The following CHD2 variants were observed in gnomAD, a reference collection of about 807,000 sequenced individuals.
CHD2 encodes the protein ATP-dependent chromatin remodeler CHD2.
Under a neutral mutation model 243.9 loss-of-function variants are expected in CHD2, and 28 were observed. The ratio of observed to expected loss-of-function variants is 0.11; its 90% CI spans 0.09 to 0.16. The LOEUF (loss-of-function observed/expected upper bound fraction) is 0.16. Among genes scored for constraint, CHD2 ranks in the 10% least tolerant of loss-of-function variants. The probability of loss-of-function intolerance (pLI) is 1.00; values close to 1 mark genes in which losing one functional copy is unlikely to be tolerated. For synonymous variants in CHD2, 775 were observed against 779.0 expected (o/e 0.99, Z 0.09); for missense variants, 1,386 against 2,209.8 (o/e 0.63, Z 7.47).
intron 5 of CHD2, among the ~76,000 whole-genome samples, chr15:92,929,906 C>T (rs1191431819): frequency 6.6e-6 from 1 of 151,598 alleles, no homozygotes; most frequent in African/African-American, 2.4e-5. Context: ...ATTTTAAAAC[C>T]CATTTCCTCA....
Position 92,923,748 on chromosome 15 carries a change from T to C in CHD2, c.63-573T>C, listed in dbSNP as rs1345620402. 4.6e-5 allele frequency among the ~76,000 whole-genome samples: 7 copies of C among 152,024 alleles called. No individual in the cohort carries two copies. The South Asian group carries it at 1.0e-3, about 23-fold the overall frequency. Reference sequence around the variant, plus strand: ...AGCCAGCTAATTTTTGTATTTTTAATAGAGATGGGGTTTCACCGTGTGGTC... The same window carrying C: ...AGCCAGCTAATTTTTGTATTTTTAACAGAGATGGGGTTTCACCGTGTGGTC... On this transcript the variant is annotated intron_variant, in intron 2 of 38. Coordinates refer to ENST00000394196, the MANE Select transcript of CHD2 (RefSeq NM_001271.4).
intron 1 of CHD2, 29 bp from the exon 2 acceptor site, chr15:92,901,138 G>A (rs1244774166): frequency 4.1e-6 from 3 of 723,942 alleles, no homozygotes; most frequent in African/African-American, 1.8e-5. Context: ...TAGAAGCCGG[G>A]ACCTTACCTT....
chr15:92,981,561 C>A, intron 24 of CHD2, 104 bp downstream of exon 24: 1 of 823,304 alleles, frequency 1.2e-6, no homozygotes, highest in Non-Finnish European at 1.9e-6. Flanking sequence ...TTTCTCTTTA[C>A]CTGAATTGAG....
chr15:92,933,042 C>CTT (rs1567130860), intron 5 of CHD2, among the ~76,000 whole-genome samples: 5 of 141,820 alleles, frequency 3.5e-5, no homozygotes, highest in African/African-American at 7.8e-5. Context: ...GCGCCCGGCC[C>CTT]CTTTTTTTTT....
rs146950296 is a variant in CHD2, at chr15:92,910,969, T to A, written c.62+9670T>A. 5.0e-3 allele frequency among the ~76,000 whole-genome samples: 766 copies of A among 152,304 alleles called. 6 individuals are homozygous for A. Among genetic ancestry groups the A allele is most frequent in the African/African-American group, 0.017 (708 of 41,556 alleles). On this transcript the variant is annotated intron_variant, in intron 2 of 38. Transcript: ENST00000394196. ...TAGAGCATGTTACAGTACTGAATGC[T>A]GTAGGTGATTGTAATACAATGGTAA... is the stretch of plus-strand genomic sequence containing the variant.
intron 34 of CHD2, among the ~76,000 whole-genome samples, 184 bp from the exon 35 acceptor site, chr15:93,008,961 T>C (rs979377127): frequency 1.3e-5 from 2 of 152,242 alleles, no homozygotes; most frequent in African/African-American, 4.8e-5. Flanking sequence ...GTGCTGGCAC[T>C]GCACTTCAGG....
chr15:92,981,403 G>A lies in CHD2; in HGVS notation c.3012G>A (p.Thr1004=), dbSNP rs775751349. ...ATGAAATTTTGCGGTTGGCTGAAAC[G>A]AGAGAGAATGAAGTGTCAACAAGTG... ...DIDEILRLAE[T]RENEVSTSAT... is the part of the protein sequence containing the mutation. Residue 1004 remains threonine, a synonymous_variant, in exon 24 of 39, where the codon ACG becomes ACA. Transcript: ENST00000394196. 50 of 1,613,842 alleles carry A rather than the reference G, an allele frequency of 3.1e-5. 1 individual carries two copies. The highest frequency in any genetic ancestry group is 2.2e-4 in the East Asian group (10 of 44,862).
chr15:93,005,522 C>T (rs2054309430), intron 34 of CHD2, among the ~76,000 whole-genome samples: 1 of 152,046 alleles, frequency 6.6e-6, no homozygotes, highest in African/African-American at 2.4e-5. Flanking sequence ...AATCAAACGG[C>T]TCATTCAGGC....
intron 38 of CHD2, 112 bp downstream of exon 38, chr15:93,020,370 T>C (rs570391779): frequency 1.9e-5 from 26 of 1,350,500 alleles, no homozygotes; most frequent in East Asian, 2.4e-5. Flanking sequence ...GAAGATCTCA[T>C]CATGCATGTG....
At chr15:92,940,925 TAAATATATATA>T (rs2053364125) in intron 7 of CHD2, among the ~76,000 whole-genome samples, 1 of 138,070 alleles carries the variant, frequency 7.2e-6, no homozygotes, top group African/African-American at 2.7e-5. Context: ...AATATACATA[TAAATATATATA>T]AAATATATAT....
chr15:93,004,796 C>T, intron 34 of CHD2, 45 bp downstream of exon 34: 1 of 1,590,090 alleles, frequency 6.3e-7, no homozygotes, highest in Non-Finnish European at 8.6e-7. Flanking sequence ...AGCCGCGGTA[C>T]TTGCTGTGGC....
chr15:92,951,326 A>G (rs1370741295), intron 13 of CHD2, among the ~76,000 whole-genome samples: 7 of 152,102 alleles, frequency 4.6e-5, no homozygotes, highest in Non-Finnish European at 1.0e-4. Context: ...ACGCACCACC[A>G]TGCCTGGCTA....
chr15:92,981,337 C>G, intron 23 of CHD2, 28 bp from the exon 24 acceptor site: 2 of 1,553,732 alleles, frequency 1.3e-6, no homozygotes, highest in South Asian at 1.1e-5. Context: ...CCATTTTATT[C>G]TATTCGTGTT....
intron 36 of CHD2, among the ~76,000 whole-genome samples, chr15:93,013,908 G>A (rs2054423929): frequency 8.4e-6 from 1 of 118,808 alleles, no homozygotes; most frequent in South Asian, 2.7e-4. Context: ...GAATGCCTGC[G>A]ACAGAGTGAG....
At chr15:92,992,720 G>A in intron 27 of CHD2, 139 bp from the exon 28 acceptor site, 1 of 966,954 alleles carries the variant, frequency 1.0e-6, no homozygotes, top group South Asian at 1.7e-5. Flanking sequence ...TCTTGTTGGA[G>A]CCTTAGAATG....
intron 2 of CHD2, among the ~76,000 whole-genome samples, chr15:92,923,248 G>C (rs1379995869): frequency 2.6e-5 from 4 of 152,018 alleles, no homozygotes; most frequent in African/African-American, 9.7e-5. Context: ...CTTTGGGTGA[G>C]ATGCTTTGTT....
At chr15:92,927,452 A>G (rs746432317) in intron 4 of CHD2, 122 bp downstream of exon 4, 33 of 651,088 alleles carry the variant, frequency 5.1e-5, no homozygotes, top group Non-Finnish European at 7.9e-5. Flanking sequence ...AAGTGACTCT[A>G]ATATGAGCTA....
chr15:92,961,923 C>T (rs2053695034), intron 16 of CHD2, among the ~76,000 whole-genome samples: 1 of 69,066 alleles, frequency 1.4e-5, no homozygotes, highest in Admixed American at 2.3e-4. Flanking sequence ...GCATTTGTTG[C>T]CCAGGCTGGA....
chr15:92,939,894 G>A (rs1460260943), intron 7 of CHD2, among the ~76,000 whole-genome samples, 176 bp downstream of exon 7: 1 of 152,194 alleles, frequency 6.6e-6, no homozygotes, highest in Non-Finnish European at 1.5e-5. Flanking sequence ...ATTGAGCCAA[G>A]GGGAATAGGA....
Sources: gnomAD v4.1 joint callset for allele counts (sites outside exome capture counted in the v4.1 genomes callset) on GRCh38, gnomAD v4.1.1 for gene constraint, MANE v1.5 for transcripts, NCBI Gene and HGNC (gene_info 2026-07-23, HGNC 2026-07-21) for gene names.